MARCHF1: variants seen among roughly 807,000 people sequenced by gnomAD.
The protein encoded by MARCHF1 is E3 ubiquitin-protein ligase MARCHF1.
A neutral mutation model predicts 54.2 loss-of-function variants in MARCHF1; 40 were observed. The observed-to-expected ratio is 0.74, with a 90% CI of 0.57 to 0.96. The LOEUF (loss-of-function observed/expected upper bound fraction) is 0.96. Among genes scored for constraint, MARCHF1 ranks in the 40% least tolerant of loss-of-function variants. The pLI is 0.00. For synonymous variants in MARCHF1, 236 were observed against 236.3 expected (o/e 1.00, Z 0.01); for missense variants, 586 against 656.5 (o/e 0.89, Z 1.17).
intron 1 of MARCHF1, among the ~76,000 whole-genome samples, chr4:164,184,690 G>A (rs1347731841): frequency 1.3e-5 from 2 of 152,154 alleles, no homozygotes; most frequent in Non-Finnish European, 2.9e-5. Flanking sequence ...GGCCCGTCAA[G>A]TAATGATCAA....
chr4:163,919,584 T>C (rs2111358452), intron 3 of MARCHF1, among the ~76,000 whole-genome samples: 1 of 152,122 alleles, frequency 6.6e-6, no homozygotes, highest in East Asian at 1.9e-4. Context: ...AGAGTAAAAA[T>C]TTTAAGAATT....
At chr4:163,673,506 A>G (rs531734552) in intron 5 of MARCHF1, among the ~76,000 whole-genome samples, 1 of 152,236 alleles carries the variant, frequency 6.6e-6, no homozygotes, top group East Asian at 1.9e-4. Context: ...TTATACTCAA[A>G]CAAAACACTA....
intron 4 of MARCHF1, among the ~76,000 whole-genome samples, chr4:163,713,948 C>T (rs1258726751): frequency 3.3e-5 from 5 of 152,138 alleles, no homozygotes; most frequent in Non-Finnish European, 7.4e-5. Flanking sequence ...AAAGAACAAA[C>T]ACATAATAAG....
chr4:164,122,030 T>C (rs2110778008), intron 1 of MARCHF1, among the ~76,000 whole-genome samples: 1 of 152,276 alleles, frequency 6.6e-6, no homozygotes, highest in Admixed American at 6.5e-5. Context: ...GATGCAAGTA[T>C]GGTTCAACAT....
At chr4:163,870,681 C>A (rs187205041) in intron 3 of MARCHF1, among the ~76,000 whole-genome samples, 1 of 151,712 alleles carries the variant, frequency 6.6e-6, no homozygotes, top group Non-Finnish European at 1.5e-5. Context: ...TCCTGTCATT[C>A]GCAAAAAAAT....
intron 2 of MARCHF1, among the ~76,000 whole-genome samples, chr4:164,033,377 T>A (rs1167064748): frequency 6.6e-6 from 1 of 152,174 alleles, no homozygotes; most frequent in Non-Finnish European, 1.5e-5. Context: ...AAAGCTTTTA[T>A]GATGAAATCA....
chr4:164,231,713 A>G (rs1732418247), intron 1 of MARCHF1, among the ~76,000 whole-genome samples: 2 of 152,148 alleles, frequency 1.3e-5, no homozygotes, highest in Non-Finnish European at 2.9e-5. Context: ...TTCAGCCCAA[A>G]TTATACATAA....
chr4:164,375,030 A>G (rs1009428821), intron 1 of MARCHF1, among the ~76,000 whole-genome samples: 6 of 152,192 alleles, frequency 3.9e-5, no homozygotes, highest in African/African-American at 1.4e-4. Context: ...TATAGCTCTA[A>G]GTGGAAAATA....
At chr4:163,618,875 G>C (rs1005790725) in intron 5 of MARCHF1, among the ~76,000 whole-genome samples, 1 of 152,120 alleles carries the variant, frequency 6.6e-6, no homozygotes, top group Non-Finnish European at 1.5e-5. Context: ...CCAATAGTGG[G>C]GTTCTGATGA....
intron 3 of MARCHF1, among the ~76,000 whole-genome samples, chr4:163,971,679 G>C (rs1052462476): frequency 6.6e-6 from 1 of 152,206 alleles, no homozygotes; most frequent in Non-Finnish European, 1.5e-5. Context: ...TAGAAAGCCA[G>C]GGAGTGGTGG....
chr4:164,152,745 C>A (rs1450859757), intron 1 of MARCHF1, among the ~76,000 whole-genome samples: 1 of 152,162 alleles, frequency 6.6e-6, no homozygotes, highest in Admixed American at 6.5e-5. Flanking sequence ...AAAAGCTTAT[C>A]TGCACAATGA....
At chr4:164,067,049 T>C (rs539123747) in intron 2 of MARCHF1, among the ~76,000 whole-genome samples, 2 of 152,160 alleles carry the variant, frequency 1.3e-5, no homozygotes, top group Admixed American at 1.3e-4. Context: ...CTTTTAATAG[T>C]ATTAATTTTC....
At chr4:163,529,213 G>A (rs957185789) in intron 9 of MARCHF1, among the ~76,000 whole-genome samples, 167 bp from the exon 10 acceptor site, 1 of 151,770 alleles carries the variant, frequency 6.6e-6, no homozygotes, top group African/African-American at 2.4e-5. Context: ...CCGAATTGGC[G>A]TAATTCCTTT....
chr4:163,625,982 C>T (rs1264805438), intron 5 of MARCHF1, among the ~76,000 whole-genome samples: 3 of 152,066 alleles, frequency 2.0e-5, no homozygotes, highest in African/African-American at 7.2e-5. Flanking sequence ...TTGTTCATCC[C>T]TTTATTAGGT....
chr4:164,095,244 C>G (rs1013388797), intron 2 of MARCHF1, among the ~76,000 whole-genome samples: 1 of 152,066 alleles, frequency 6.6e-6, no homozygotes, highest in African/African-American at 2.4e-5. Flanking sequence ...TCAATAGCAT[C>G]AGGAACTTCA....
At chr4:163,833,055 G>A (rs931025170) in intron 4 of MARCHF1, among the ~76,000 whole-genome samples, 3 of 151,932 alleles carry the variant, frequency 2.0e-5, no homozygotes, top group South Asian at 2.1e-4. Flanking sequence ...AAACATACGT[G>A]TGCATGTGTC....
rs866916930 is a variant in MARCHF1 at position 164,176,961 on chromosome 4, T to A, written c.-322-65299A>T. On this transcript the variant is annotated intron_variant, in intron 1 of 9. Transcript: ENST00000514618. ...TGTGCGCTCTCTCTCTCTCTCTCTC[T>A]CTCTCTCTCTCTCTCTCTCTATATA... Among the ~76,000 whole-genome samples the A allele has an allele frequency of 7.5e-5, 4 of 53,124 alleles. 1 individual carries two copies. The highest frequency in any genetic ancestry group is 3.8e-4 in the African/African-American group (4 of 10,652). The allele number at this position is 53,124 out of a possible 152,430, so 34.9% of individuals were successfully genotyped here.
chr4:163,837,140 T>C (rs1749211466), intron 4 of MARCHF1, among the ~76,000 whole-genome samples: 1 of 152,146 alleles, frequency 6.6e-6, no homozygotes, highest in South Asian at 2.1e-4. Context: ...ACCATTTTCA[T>C]GAATCACAAT....
At chr4:164,130,459 T>C (rs1214701415) in intron 1 of MARCHF1, among the ~76,000 whole-genome samples, 1 of 152,172 alleles carries the variant, frequency 6.6e-6, no homozygotes, top group Non-Finnish European at 1.5e-5. Flanking sequence ...AACAATTTCA[T>C]TTCATTTTAT....
Sources: gnomAD v4.1 joint callset for allele counts (sites outside exome capture counted in the v4.1 genomes callset) on GRCh38, gnomAD v4.1.1 for gene constraint, MANE v1.5 for transcripts, NCBI Gene and HGNC (gene_info 2026-07-23, HGNC 2026-07-21) for gene names.